Variants in ERC2 observed in about 807,000 individuals in gnomAD.
ERC2 encodes the protein ERC protein 2.
In ERC2, 42 loss-of-function variants were observed where a neutral mutation model predicts 114.8. The observed-to-expected ratio is 0.37, with a 90% CI of 0.29 to 0.47. The LOEUF (loss-of-function observed/expected upper bound fraction) is 0.47, where lower values mean the gene tolerates loss of function less well. Ranked by LOEUF, ERC2 falls within the 20% of genes least tolerant of loss-of-function variation. The pLI is 0.99. For synonymous variants in ERC2, 454 were observed against 425.5 expected, an observed-to-expected ratio of 1.07 and a Z score of -0.82; for missense variants, 939 against 1,150.7, an observed-to-expected ratio of 0.82 and a Z score of 2.66.
intron 17 of ERC2, among the ~76,000 whole-genome samples, chr3:55,621,426 T>C (rs1243216177): frequency 1.3e-5 from 2 of 152,198 alleles, no homozygotes; most frequent in Non-Finnish European, 2.9e-5. Flanking sequence ...GGGGAGTTCA[T>C]ACAGACAGGT....
intron 14 of ERC2, among the ~76,000 whole-genome samples, chr3:55,838,380 A>C (rs1290010047): frequency 6.6e-6 from 1 of 152,134 alleles, no homozygotes; most frequent in Middle Eastern, 3.2e-3. Flanking sequence ...ATAGAATAAA[A>C]CTAAACATCT....
intron 17 of ERC2, among the ~76,000 whole-genome samples, chr3:55,511,863 T>C (rs1190656016): frequency 6.6e-6 from 1 of 152,182 alleles, no homozygotes; most frequent in Non-Finnish European, 1.5e-5. Context: ...AGAGTGTGGA[T>C]ACAACTGCAT....
At chr3:55,917,454 T>C (rs1407343555) in intron 13 of ERC2, among the ~76,000 whole-genome samples, 7 of 152,164 alleles carry the variant, frequency 4.6e-5, no homozygotes, top group Middle Eastern at 3.2e-3. Flanking sequence ...TGGATGAGCC[T>C]TGAAAACATT....
chr3:55,721,279 G>T (rs150858162), intron 15 of ERC2, among the ~76,000 whole-genome samples: 1 of 152,172 alleles, frequency 6.6e-6, no homozygotes, highest in Non-Finnish European at 1.5e-5. Flanking sequence ...TTTTTGTGGG[G>T]ACTATAATAA....
At chr3:56,366,662 G>C (rs565978042) in intron 2 of ERC2, among the ~76,000 whole-genome samples, 2 of 152,132 alleles carry the variant, frequency 1.3e-5, no homozygotes, top group African/African-American at 4.8e-5. Context: ...ATCCATGTTT[G>C]CTCCCTTTTG....
In ERC2 at chr3:56,468,230, C is replaced by A. The variant is rs2063646988; in HGVS notation, c.-141+18G>T. On this transcript the variant is annotated intron_variant, in intron 1 of 17. Coordinates refer to ENST00000288221, the MANE Select transcript of ERC2 (RefSeq NM_015576.3). ...AGCCGGGCACCAGGCGGCCCCGGCC[C>A]CGGCGTCGGCGTCTCACCTTTCCGA... The A allele has an allele frequency of 2.6e-5, 4 of 152,032 alleles. No individual in the cohort carries two copies. The highest frequency in any genetic ancestry group is 9.7e-5 in the African/African-American group (4 of 41,418). The allele number at this position is 152,032 out of a possible 1,614,324, so 9.4% of individuals were successfully genotyped here. A position where few individuals can be genotyped will look rare whatever the true frequency, so the allele number is the denominator to read the frequency against.
At chr3:56,141,584 T>C (rs1296581027) in intron 5 of ERC2, among the ~76,000 whole-genome samples, 5 of 152,224 alleles carry the variant, frequency 3.3e-5, no homozygotes, top group Non-Finnish European at 7.3e-5. Flanking sequence ...TGTGTCTGCA[T>C]TGGTTTTTTA....
chr3:56,310,283 T>TAGA (rs1360656085), intron 2 of ERC2, among the ~76,000 whole-genome samples: 20 of 152,198 alleles, frequency 1.3e-4, no homozygotes, highest in African/African-American at 4.8e-4. Context: ...ATAGAAACGA[T>TAGA]AGCTAAAATA....
At chr3:55,738,480 A>G (rs2065778668) in intron 14 of ERC2, among the ~76,000 whole-genome samples, 1 of 152,176 alleles carries the variant, frequency 6.6e-6, no homozygotes, top group African/African-American at 2.4e-5. Context: ...AAATCTTAGC[A>G]GGTATATAAT....
At chr3:55,915,796 G>C (rs1191114203) in intron 13 of ERC2, among the ~76,000 whole-genome samples, 1 of 152,136 alleles carries the variant, frequency 6.6e-6, no homozygotes, top group South Asian at 2.1e-4. Context: ...CAGAGGCTTT[G>C]TGATCACTTC....
At chr3:56,210,965 G>A (rs1431289038) in intron 3 of ERC2, among the ~76,000 whole-genome samples, 3 of 152,044 alleles carry the variant, frequency 2.0e-5, no homozygotes, top group African/African-American at 7.2e-5. Context: ...CACCACCAAG[G>A]GGGCAAAAGT....
intron 16 of ERC2, among the ~76,000 whole-genome samples, chr3:55,687,506 G>A (rs998463448): frequency 2.0e-5 from 3 of 152,208 alleles, no homozygotes; most frequent in South Asian, 2.1e-4. Context: ...AAAGCAAGTA[G>A]AACCAGCGAA....
chr3:55,906,037 T>C (rs960531294), intron 13 of ERC2, among the ~76,000 whole-genome samples: 1 of 152,194 alleles, frequency 6.6e-6, no homozygotes, highest in Non-Finnish European at 1.5e-5. Context: ...CAAGGCTTTT[T>C]GCTCCATGTC....
chr3:55,790,102 T>C (rs371039110), intron 14 of ERC2, among the ~76,000 whole-genome samples: 5 of 152,336 alleles, frequency 3.3e-5, no homozygotes, highest in South Asian at 4.1e-4. Flanking sequence ...CTTGAAATCT[T>C]TTCATGATTC....
At chr3:56,390,344 C>T (rs535238540) in intron 2 of ERC2, among the ~76,000 whole-genome samples, 4 of 152,160 alleles carry the variant, frequency 2.6e-5, no homozygotes, top group Admixed American at 6.5e-5. Flanking sequence ...TAGAATTTCA[C>T]GACTTTCTTC....
chr3:56,172,683 G>A (rs561813545), intron 4 of ERC2, among the ~76,000 whole-genome samples: 7 of 152,232 alleles, frequency 4.6e-5, no homozygotes, highest in Admixed American at 1.3e-4. Context: ...TTATTATTGA[G>A]ATAAATACTT....
intron 2 of ERC2, among the ~76,000 whole-genome samples, chr3:56,328,627 C>A (rs915705617): frequency 6.6e-6 from 1 of 152,114 alleles, no homozygotes; most frequent in Non-Finnish European, 1.5e-5. Context: ...CTCAAGTAAC[C>A]TTTACCAAGC....
At chr3:55,944,811 A>C (rs2067026494) in intron 13 of ERC2, among the ~76,000 whole-genome samples, 1 of 152,160 alleles carries the variant, frequency 6.6e-6, no homozygotes, top group Non-Finnish European at 1.5e-5. Context: ...AAAGAAAAAC[A>C]AATGTCAAAA....
At chr3:55,718,609 A>C (rs982072933) in intron 15 of ERC2, among the ~76,000 whole-genome samples, 10 of 152,220 alleles carry the variant, frequency 6.6e-5, no homozygotes, top group Non-Finnish European at 1.3e-4. Context: ...CCTGACTTCC[A>C]GCCAGCACTT....
Sources: allele counts gnomAD v4.1 joint callset (sites outside exome capture counted in the v4.1 genomes callset), GRCh38; gene constraint gnomAD v4.1.1; transcripts MANE v1.5; gene names NCBI Gene and HGNC (gene_info 2026-07-23, HGNC 2026-07-21).